The following HACD1 variants were observed in gnomAD, a reference collection of about 807,000 sequenced individuals.
The protein encoded by HACD1 is 3-hydroxyacyl-CoA dehydratase 1.
In HACD1, 41 loss-of-function variants were observed where a neutral mutation model predicts 32.0. The observed-to-expected ratio is 1.28, with a 90% confidence interval of 1.00 to 1.66. HACD1 has a LOEUF of 1.66. Ranked by LOEUF, HACD1 falls within the 40% of genes most tolerant of loss-of-function variation. HACD1 has a pLI of 0.00. For missense variants in HACD1, 396 were observed against 380.1 expected, an observed-to-expected ratio of 1.04 and a Z score of -0.35; for synonymous variants, 142 against 139.0, an observed-to-expected ratio of 1.02 and a Z score of -0.15.
intron 1 of HACD1, among the ~76,000 whole-genome samples, chr10:17,606,942 G>C (rs544830691): frequency 1.7e-4 from 26 of 152,262 alleles, no homozygotes; most frequent in African/African-American, 6.3e-4. Context: ...GAGGAAATAG[G>C]CAGAGAGGGT....
rs574480327 is a variant in HACD1, at chr10:17,589,161, C to G, written c.*1203G>C. The G allele has an allele frequency of 6.6e-6, 1 of 152,188 alleles. No individual in the cohort carries two copies. Among genetic ancestry groups the G allele is most frequent in the African/African-American group, 2.4e-5 (1 of 41,520 alleles). 9.4% of individuals were successfully genotyped at this position (152,188 alleles called of 1,614,324 possible). The stretch of plus-strand genomic sequence containing the variant: ...CCCAAAATGTTTAGTTACCTAAGTA[C>G]CACAAAGGGATTATCATAACAATTG... On this transcript the variant is annotated 3_prime_UTR_variant, in exon 7 of 7. Coordinates refer to ENST00000361271, the MANE Select transcript of HACD1 (RefSeq NM_014241.4).
chr10:17,603,484 A>G, intron 4 of HACD1, 76 bp downstream of exon 4: 1 of 1,326,078 alleles, frequency 7.5e-7, no homozygotes, highest in Non-Finnish European at 1.1e-6. Flanking sequence ...AAATATACAA[A>G]TGTTAATATT....
At chr10:17,598,267 A>G (rs1033247809) in intron 5 of HACD1, among the ~76,000 whole-genome samples, 23 of 151,114 alleles carry the variant, frequency 1.5e-4, no homozygotes, top group Non-Finnish European at 3.1e-4. Context: ...CTCAAAAAAA[A>G]AAAAAAAAAA....
In HACD1 at chr10:17,617,150, C is replaced by T. The variant is rs7895850; in HGVS notation, c.190G>A (p.Glu64Lys). ...EAGEDREAPG[E>K]RRRLGVLATA... ...GCCAAGACCCCCAGGCGCCTCCGCT[C>T]GCCGGGAGCCTCCCGGTCCTCGCCG... The change falls in exon 1 of 7, where the codon GAG (glutamate) becomes AAG (lysine). Residue 64 changes from glutamate to lysine, a missense_variant. Glu to Lys is a moderately conservative substitution (Grantham distance 56). Coordinates refer to ENST00000361271, the MANE Select transcript of HACD1 (RefSeq NM_014241.4). The T allele has an allele frequency of 0.91, 1,367,291 of 1,506,506 alleles. 621,613 individuals carry two copies. The highest frequency in any genetic ancestry group is 0.96 in the African/African-American group (66,446 of 69,248). The allele number at this position is 1,506,506 out of a possible 1,614,324, so 93.3% of individuals were successfully genotyped here.
intron 1 of HACD1, among the ~76,000 whole-genome samples, chr10:17,607,790 C>G (rs896523785): frequency 6.6e-6 from 1 of 152,146 alleles, no homozygotes; most frequent in Admixed American, 6.5e-5. Context: ...AAGGACCCAT[C>G]GAAACATCTA....
intron 1 of HACD1, among the ~76,000 whole-genome samples, chr10:17,612,400 A>G (rs1832997654): frequency 6.6e-6 from 1 of 152,242 alleles, no homozygotes; most frequent in Non-Finnish European, 1.5e-5. Context: ...TAATACATTC[A>G]CTCATTCATT....
intron 1 of HACD1, among the ~76,000 whole-genome samples, chr10:17,609,332 T>C (rs1554817293): frequency 6.6e-6 from 1 of 151,948 alleles, no homozygotes; most frequent in African/African-American, 2.4e-5. Flanking sequence ...TTGTTGTATT[T>C]TTAATAGAAA....
rs1205318789 is a variant in HACD1 at position 17,599,063 on chromosome 10, T to A, written c.605+227A>T. ...CTGAGGTTAAGGATACCACAATTTGTCTCACATTGATTTCACTCAAAATAT... is the reference window on the plus strand; with the variant it reads ...CTGAGGTTAAGGATACCACAATTTGACTCACATTGATTTCACTCAAAATAT... On this transcript the variant is annotated intron_variant, in intron 5 of 6. Transcript: ENST00000361271. 6.3e-6 allele frequency: 5 copies of A among 795,766 alleles called. No homozygotes were observed. In the Admixed American group the frequency reaches 2.1e-4, roughly 33 times the overall value. The allele number at this position is 795,766 out of a possible 1,614,324, so 49.3% of individuals were successfully genotyped here.
chr10:17,595,433 A>T (rs1554815945), intron 5 of HACD1, among the ~76,000 whole-genome samples: 1 of 152,236 alleles, frequency 6.6e-6, no homozygotes, highest in East Asian at 1.9e-4. Context: ...TAATGAGTAT[A>T]TTATATTGTC....
At chr10:17,601,513 G>A (rs1188753970) in intron 4 of HACD1, among the ~76,000 whole-genome samples, 2 of 152,248 alleles carry the variant, frequency 1.3e-5, no homozygotes, top group Non-Finnish European at 2.9e-5. Flanking sequence ...CGGGGCAGAC[G>A]GGTCCTGTTT....
chr10:17,596,504 G>A (rs1554816011), intron 5 of HACD1, among the ~76,000 whole-genome samples: 3 of 148,576 alleles, frequency 2.0e-5, no homozygotes, highest in Admixed American at 6.7e-5. Flanking sequence ...TTTTTGGCAG[G>A]ATTGTTCTTC....
At chr10:17,613,828 G>A (rs1160539387) in intron 1 of HACD1, among the ~76,000 whole-genome samples, 18 of 152,210 alleles carry the variant, frequency 1.2e-4, no homozygotes, top group Admixed American at 3.9e-4. Flanking sequence ...GGAATAACAG[G>A]AGAACATTAT....
chr10:17,596,029 T>A (rs1554815975), intron 5 of HACD1, among the ~76,000 whole-genome samples: 2 of 152,144 alleles, frequency 1.3e-5, no homozygotes, highest in Admixed American at 1.3e-4. Flanking sequence ...TGTTTTTAAT[T>A]TAAAACAAAA....
chr10:17,608,742 C>A (rs1331622589), intron 1 of HACD1, among the ~76,000 whole-genome samples: 1 of 152,206 alleles, frequency 6.6e-6, no homozygotes, highest in Non-Finnish European at 1.5e-5. Context: ...CTGCCTCAGC[C>A]TCCCAAAGTA....
At chr10:17,595,200 G>T (rs1833981187) in intron 5 of HACD1, among the ~76,000 whole-genome samples, 1 of 152,080 alleles carries the variant, frequency 6.6e-6, no homozygotes, top group Non-Finnish European at 1.5e-5. Context: ...AACTTCTTTG[G>T]TGCATAAAAT....
At chr10:17,593,619 T>C (rs1833957133) in intron 6 of HACD1, among the ~76,000 whole-genome samples, 1 of 152,234 alleles carries the variant, frequency 6.6e-6, no homozygotes, top group African/African-American at 2.4e-5. Flanking sequence ...CCTGCCTCAC[T>C]ATTAGCAGCA....
chr10:17,603,774 T>A, intron 2 of HACD1, 30 bp from the exon 3 acceptor site: 1 of 1,581,128 alleles, frequency 6.3e-7, no homozygotes, highest in Non-Finnish European at 8.7e-7. Flanking sequence ...AATCATTACG[T>A]CAATAATAGA....
rs983118626 is a variant in HACD1, at chr10:17,590,168, A to G, written c.*196T>C. 4.6e-5 allele frequency: 17 copies of G among 372,258 alleles called. No individual in the cohort carries two copies. Among genetic ancestry groups the G allele is most frequent in the African/African-American group, 3.2e-4 (15 of 47,584 alleles). 23.1% of individuals were successfully genotyped at this position (372,258 alleles called of 1,614,324 possible). A position where few individuals can be genotyped will look rare whatever the true frequency, so the allele number is the denominator to read the frequency against. On this transcript the variant is annotated 3_prime_UTR_variant, in exon 7 of 7. Transcript: ENST00000361271. ...CAATACCTACCCAAAAGTTACTGAT[A>G]TTTGCACAGTTCTTGTAAAAAATAG...
rs931038746 is a variant in HACD1, at chr10:17,617,371, C to T, written c.-32G>A. ...CGCGCAGGGGGCTCGGCGCAGCCAG[C>T]TCTACCGACCGCGAGGGGGAGGAGC... On this transcript the variant is annotated 5_prime_UTR_variant, in exon 1 of 7. Transcript: ENST00000361271. 9.1e-6 allele frequency: 12 copies of T among 1,312,770 alleles called. No homozygotes were observed. Among genetic ancestry groups the T allele is most frequent in the Non-Finnish European group, 1.1e-5 (11 of 1,034,476 alleles). The allele number at this position is 1,312,770 out of a possible 1,614,324, so 81.3% of individuals were successfully genotyped here.
Sources: gnomAD v4.1 joint callset for allele counts (sites outside exome capture counted in the v4.1 genomes callset) on GRCh38, gnomAD v4.1.1 for gene constraint, MANE v1.5 for transcripts, NCBI Gene and HGNC (gene_info 2026-07-23, HGNC 2026-07-21) for gene names.